The following LRRC69 variants were observed in gnomAD, a reference collection of about 807,000 sequenced individuals.
LRRC69 encodes leucine rich repeat containing 69.
A neutral mutation model predicts 37.8 loss-of-function variants in LRRC69; 42 were observed. The observed-to-expected ratio is 1.11, with a 90% confidence interval of 0.87 to 1.44. The LOEUF is 1.44. Ranked by LOEUF, LRRC69 falls within the 40% of genes most tolerant of loss-of-function variation. The pLI is 0.00. For synonymous variants in LRRC69, 141 were observed against 143.1 expected (o/e 0.99, Z 0.11); for missense variants, 357 against 401.9 (o/e 0.89, Z 0.96).
intron 5 of LRRC69, among the ~76,000 whole-genome samples, chr8:91,187,853 G>T (rs1809430326): frequency 6.6e-6 from 1 of 152,268 alleles, no homozygotes; most frequent in Non-Finnish European, 1.5e-5. Context: ...AATATTCTAA[G>T]ATCATTCTGT....
intron 5 of LRRC69, among the ~76,000 whole-genome samples, chr8:91,171,095 AT>A (rs1234653698): frequency 6.6e-6 from 1 of 151,912 alleles, no homozygotes; most frequent in Non-Finnish European, 1.5e-5. Context: ...GGTGTATATA[AT>A]TTTTTTAAAA....
At chr8:91,111,873 C>G (rs1296311120) in intron 1 of LRRC69, among the ~76,000 whole-genome samples, 1 of 151,390 alleles carries the variant, frequency 6.6e-6, no homozygotes. Context: ...TGTATGTACC[C>G]CTGAACTTAA....
At chr8:91,217,432 A>T (rs1462643666) in intron 7 of LRRC69, among the ~76,000 whole-genome samples, 1 of 152,096 alleles carries the variant, frequency 6.6e-6, no homozygotes, top group Non-Finnish European at 1.5e-5. Context: ...CTGCTGCCTA[A>T]ATTGTGTCTT....
At position 91,189,688 on chromosome 8, in the gene LRRC69, T is replaced by C. The variant is rs774250057; in HGVS notation, c.753+65T>C. On this transcript the variant is annotated intron_variant, in intron 6 of 7. Coordinates refer to ENST00000448384, the Ensembl canonical transcript of LRRC69. ...GCCACAATTTAAATTTTAAAGCGTT[T>C]TCTTTTAAAACATTCTTGCCAAGCC... 3.5e-6 allele frequency: 4 copies of C among 1,153,610 alleles called. 1 individual carries two copies. The South Asian group carries it at 6.0e-5, about 17-fold the overall frequency. The allele number at this position is 1,153,610 out of a possible 1,614,324, so 71.5% of individuals were successfully genotyped here.
chr8:91,107,793 T>G (rs939164714), intron 1 of LRRC69, among the ~76,000 whole-genome samples: 1 of 152,104 alleles, frequency 6.6e-6, no homozygotes, highest in Non-Finnish European at 1.5e-5. Context: ...GTTAATGTCC[T>G]ATAATTTATG....
chr8:91,163,038 AT>A (rs1467465783), intron 5 of LRRC69, among the ~76,000 whole-genome samples: 1 of 150,870 alleles, frequency 6.6e-6, no homozygotes, highest in Non-Finnish European at 1.5e-5. Context: ...CTTGGCTTTT[AT>A]TTTCCAGATC....
chr8:91,146,989 T>C (rs1808632048), intron 5 of LRRC69, among the ~76,000 whole-genome samples: 1 of 151,526 alleles, frequency 6.6e-6, no homozygotes, highest in Non-Finnish European at 1.5e-5. Context: ...AATGTCCATG[T>C]TGAGATTGAG....
chr8:91,123,725 ACT>A (rs1292479165), intron 1 of LRRC69, among the ~76,000 whole-genome samples: 1 of 151,862 alleles, frequency 6.6e-6, no homozygotes, highest in Non-Finnish European at 1.5e-5. Context: ...AAAGTAAAAG[ACT>A]CTTTGTATTT....
At chr8:91,114,870 A>T (rs1813480411) in intron 1 of LRRC69, among the ~76,000 whole-genome samples, 2 of 152,094 alleles carry the variant, frequency 1.3e-5, no homozygotes, top group Admixed American at 1.3e-4. Context: ...ACTTAGATTT[A>T]GAAAAGAAAA....
At chr8:91,175,719 G>T (rs539347450) in intron 5 of LRRC69, among the ~76,000 whole-genome samples, 2 of 152,112 alleles carry the variant, frequency 1.3e-5, no homozygotes, top group East Asian at 3.9e-4. Flanking sequence ...AGTAGGAAAC[G>T]TTTGGTGGTC....
At chr8:91,152,461 A>T (rs892366211) in intron 5 of LRRC69, among the ~76,000 whole-genome samples, 1 of 151,104 alleles carries the variant, frequency 6.6e-6, no homozygotes, top group African/African-American at 2.4e-5. Flanking sequence ...TATTTCTGAG[A>T]TGTCTATTCT....
chr8:91,133,575 ATAAG>A (rs1813848739), intron 4 of LRRC69, among the ~76,000 whole-genome samples: 1 of 152,064 alleles, frequency 6.6e-6, no homozygotes, highest in Admixed American at 6.6e-5. Flanking sequence ...ATTTTTTACT[ATAAG>A]TATGTTGCAA....
chr8:91,143,254 T>C (rs917199102), intron 5 of LRRC69, among the ~76,000 whole-genome samples: 2 of 152,078 alleles, frequency 1.3e-5, no homozygotes, highest in African/African-American at 4.8e-5. Context: ...TTTCTGAGTT[T>C]TGTCTTTTTA....
chr8:91,139,678 C>T (rs530343885), intron 5 of LRRC69, among the ~76,000 whole-genome samples: 29 of 151,940 alleles, frequency 1.9e-4, no homozygotes, highest in African/African-American at 7.0e-4. Flanking sequence ...AGTTTCCGTT[C>T]CAGGACCTCT....
rs571293522 is a variant in LRRC69, at chr8:91,151,073, G to A, written c.651+15334G>A. ...ATTGATTTTTTGAAGGGTTTTTTGT[G>A]TCTCTATTTCCTTCAGTTCTGCTCT... On this transcript the variant is annotated intron_variant, in intron 5 of 7. Transcript: ENST00000448384. Among the ~76,000 whole-genome samples the A allele has an allele frequency of 6.6e-4, 100 of 151,816 alleles. 1 individual carries two copies. Among genetic ancestry groups the A allele is most frequent in the African/African-American group, 2.4e-3 (98 of 41,476 alleles).
chr8:91,187,687 C>G (rs929510962), intron 5 of LRRC69, among the ~76,000 whole-genome samples: 45 of 152,210 alleles, frequency 3.0e-4, no homozygotes, highest in Non-Finnish European at 4.7e-4. Context: ...TACCCTGCCT[C>G]CAAACTCAAC....
At chr8:91,147,414 T>A (rs1808642064) in intron 5 of LRRC69, among the ~76,000 whole-genome samples, 1 of 151,140 alleles carries the variant, frequency 6.6e-6, no homozygotes, top group Non-Finnish European at 1.5e-5. Context: ...ATACTTCATT[T>A]AAAAAAATCC....
intron 6 of LRRC69, among the ~76,000 whole-genome samples, chr8:91,192,294 T>C (rs545500769): frequency 7.4e-4 from 113 of 152,202 alleles, no homozygotes; most frequent in African/African-American, 2.6e-3. Context: ...TGAATAGTGC[T>C]GCAATAAACA....
intron 5 of LRRC69, among the ~76,000 whole-genome samples, chr8:91,171,927 A>C (rs1467502706): frequency 6.8e-6 from 1 of 147,134 alleles, no homozygotes; most frequent in African/African-American, 2.5e-5. Flanking sequence ...GTGTGAGGGC[A>C]TGTATCCACA....
Sources: gnomAD v4.1 joint callset for allele counts (sites outside exome capture counted in the v4.1 genomes callset) on GRCh38, gnomAD v4.1.1 for gene constraint, MANE v1.5 for transcripts, NCBI Gene and HGNC (gene_info 2026-07-23, HGNC 2026-07-21) for gene names.